MEGF6: variants seen among roughly 807,000 people sequenced by gnomAD.
MEGF6 encodes multiple EGF like domains 6.
MEGF6 carries 184 observed loss-of-function variants against 207.1 expected under a neutral mutation model. That is an observed-to-expected ratio of 0.89 (90% confidence interval 0.79 to 1.00). The LOEUF (loss-of-function observed/expected upper bound fraction) is 1.00. MEGF6 is among the 50% of genes least tolerant of loss of function. The probability of loss-of-function intolerance (pLI) is 0.00; values close to 1 mark genes in which losing one functional copy is unlikely to be tolerated. For missense variants in MEGF6, 2,282 were observed against 2,202.9 expected, an observed-to-expected ratio of 1.04 and a Z score of -0.72; for synonymous variants, 1,038 against 910.0, an observed-to-expected ratio of 1.14 and a Z score of -2.53.
chr1:3,574,857 G>A (rs1055756409), intron 4 of MEGF6, among the ~76,000 whole-genome samples: 10 of 152,148 alleles, frequency 6.6e-5, no homozygotes, highest in African/African-American at 2.4e-4. Flanking sequence ...TGCTCAGGCT[G>A]GTCTCGAACT....
Position 3,608,753 on chromosome 1 carries a change from C to G in MEGF6, c.131+2385G>C, listed in dbSNP as rs569978496. Among the ~76,000 whole-genome samples the G allele has an allele frequency of 4.6e-5, 7 of 152,294 alleles. No individual in the cohort carries two copies. In the East Asian group the frequency reaches 1.4e-3, roughly 29 times the overall value. On this transcript the variant is annotated intron_variant, in intron 1 of 36. Coordinates refer to ENST00000356575, the MANE Select transcript of MEGF6 (RefSeq NM_001409.4). ...ATGCCTTAGCAGGTGGGCAATCGGCCCCCGTCTCCCAGACCCCGTTCCCAG... is the reference window on the plus strand; with the variant it reads ...ATGCCTTAGCAGGTGGGCAATCGGCGCCCGTCTCCCAGACCCCGTTCCCAG...
chr1:3,503,297 C>G (rs1438150854), intron 17 of MEGF6, among the ~76,000 whole-genome samples: 1 of 152,184 alleles, frequency 6.6e-6, no homozygotes, highest in Admixed American at 6.5e-5. Context: ...GTCAGGGAAC[C>G]CCCCTCCACT....
intron 4 of MEGF6, among the ~76,000 whole-genome samples, chr1:3,578,812 C>CAGAACGT (rs1557790838): frequency 1.1e-4 from 17 of 150,570 alleles, no homozygotes; most frequent in African/African-American, 3.2e-4. Context: ...TGGTCCCCAG[C>CAGAACGT]GGAACGTGGA....
At chr1:3,524,915 C>T (rs1222092289) in intron 4 of MEGF6, among the ~76,000 whole-genome samples, 3 of 152,164 alleles carry the variant, frequency 2.0e-5, no homozygotes, top group African/African-American at 7.2e-5. Flanking sequence ...GACGAGGCTA[C>T]GGGCTAAGGA....
chr1:3,584,169 T>C (rs547626441), intron 3 of MEGF6, among the ~76,000 whole-genome samples: 7 of 152,362 alleles, frequency 4.6e-5, no homozygotes, highest in South Asian at 4.1e-4. Flanking sequence ...CATGGCGGCA[T>C]GTCCAGGCCA....
rs1236955841 is a variant in MEGF6 at position 3,494,481 on chromosome 1, T to C, written c.4019A>G (p.Tyr1340Cys). The change falls in exon 32 of 37, where the codon TAC becomes TGC. Residue 1340 changes from tyrosine (Y) to cysteine (C), a missense_variant. Tyr to Cys is a radical substitution (Grantham distance 194, BLOSUM62 -2). Transcript: ENST00000356575. Reference protein sequence around the residue: ...HCELACPPGRYGAACHLECSC... With the variant: ...HCELACPPGRCGAACHLECSC... ...GCACTCCAGATGGCAGGCGGCTCCGTAGCGCCCAGGGGGACAGGCTGGGGA... is the reference window on the plus strand; with the variant it reads ...GCACTCCAGATGGCAGGCGGCTCCGCAGCGCCCAGGGGGACAGGCTGGGGA... The C allele has an allele frequency of 1.9e-6, 3 of 1,587,804 alleles. No homozygotes were observed. The highest frequency in any genetic ancestry group is 1.1e-5 in the South Asian group (1 of 88,184).
At chr1:3,599,843 C>T (rs1644130978) in intron 2 of MEGF6, among the ~76,000 whole-genome samples, 1 of 152,216 alleles carries the variant, frequency 6.6e-6, no homozygotes, top group Non-Finnish European at 1.5e-5. Context: ...GTGGGCACCC[C>T]GTTTCTGTGC....
rs894559224 is a variant in MEGF6 at position 3,565,487 on chromosome 1, C to T, written c.481+14338G>A. ...CCCCTTGATTGCAGGAGGCCCCTTC[C>T]AAGAGGGGTCCAGGGAGCAGGACCA... On this transcript the variant is annotated intron_variant, in intron 4 of 36. Coordinates refer to ENST00000356575, the MANE Select transcript of MEGF6 (RefSeq NM_001409.4). This position sits in a 1 kb window ranked among gnomAD's most constrained non-coding sequence, Gnocchi z 4.8. Among the ~76,000 whole-genome samples the T allele has an allele frequency of 6.6e-6, 1 of 152,214 alleles. No homozygotes were observed. The highest frequency in any genetic ancestry group is 2.4e-5 in the African/African-American group (1 of 41,456).
At chr1:3,576,101 C>A (rs970061397) in intron 4 of MEGF6, among the ~76,000 whole-genome samples, 1 of 152,272 alleles carries the variant, frequency 6.6e-6, no homozygotes, top group Admixed American at 6.5e-5. Flanking sequence ...ACAAAATGAG[C>A]GGCTGGCCCT....
chr1:3,588,584 A>C lies in MEGF6; in HGVS notation c.376+6754T>G, dbSNP rs560925324. 5.9e-5 allele frequency among the ~76,000 whole-genome samples: 9 copies of C among 151,312 alleles called. No homozygotes were observed. The East Asian group carries it at 1.4e-3, about 23-fold the overall frequency. On this transcript the variant is annotated intron_variant, in intron 3 of 36. Coordinates refer to ENST00000356575, the MANE Select transcript of MEGF6 (RefSeq NM_001409.4). Reference sequence around the variant, plus strand: ...GGAGGGGACAGGACAGCCTGGAGAGAAGCTCTGGGTAGTCGCACTGAAGCG... The same window carrying C: ...GGAGGGGACAGGACAGCCTGGAGAGCAGCTCTGGGTAGTCGCACTGAAGCG...
chr1:3,522,838 C>G (rs944372553), intron 5 of MEGF6, among the ~76,000 whole-genome samples: 1 of 152,142 alleles, frequency 6.6e-6, no homozygotes, highest in Non-Finnish European at 1.5e-5. Flanking sequence ...GAGAAAAGGA[C>G]GTGCCCCCCA....
intron 2 of MEGF6, among the ~76,000 whole-genome samples, chr1:3,597,554 G>A (rs894629488): frequency 1.3e-5 from 2 of 152,224 alleles, no homozygotes; most frequent in Non-Finnish European, 2.9e-5. Flanking sequence ...TTAACATGAG[G>A]TCATTCACAG....
the MEGF6 span, among the ~76,000 whole-genome samples, chr1:3,621,338 C>T: frequency 1.3e-5 from 2 of 152,236 alleles, no homozygotes; most frequent in Admixed American, 6.5e-5. Context: ...CCAAGGAGCC[C>T]TCTGGTGGCC....
chr1:3,537,939 C>T (rs1411481012), intron 4 of MEGF6, among the ~76,000 whole-genome samples: 1 of 152,168 alleles, frequency 6.6e-6, no homozygotes, highest in African/African-American at 2.4e-5. Flanking sequence ...AGGAGCCACC[C>T]AGAGCAGCAA....
chr1:3,512,944 G>C (rs1641405469), intron 7 of MEGF6, among the ~76,000 whole-genome samples: 1 of 152,172 alleles, frequency 6.6e-6, no homozygotes, highest in Non-Finnish European at 1.5e-5. Flanking sequence ...GGAAGAGTCA[G>C]GAACACCCAG....
chr1:3,616,283 C>A (rs1222623721), upstream of MEGF6, among the ~76,000 whole-genome samples: 6 of 152,138 alleles, frequency 3.9e-5, no homozygotes, highest in Admixed American at 3.3e-4. Context: ...AGAAAATAAT[C>A]CAGCATCTTT....
Position 3,591,212 on chromosome 1 carries a change from C to T in MEGF6, c.376+4126G>A, listed in dbSNP as rs1037232206. ...GCACGGCAGAGCTGGAATGTGGCGT[C>T]GGAAACGCTCGGCTAACCCAGGGTG... On this transcript the variant is annotated intron_variant, in intron 3 of 36. Coordinates refer to ENST00000356575, the MANE Select transcript of MEGF6 (RefSeq NM_001409.4). 4.6e-5 allele frequency among the ~76,000 whole-genome samples: 7 copies of T among 152,212 alleles called. No homozygotes were observed. The South Asian group carries it at 1.0e-3, about 22-fold the overall frequency.
In MEGF6 at chr1:3,505,268, C is replaced by T. The variant is rs773837014; in HGVS notation, c.2128G>A (p.Val710Met). 38 of 1,612,438 alleles carry T rather than the reference C, an allele frequency of 2.4e-5. No homozygotes were observed. Among genetic ancestry groups the T allele is most frequent in the South Asian group, 8.8e-5 (8 of 91,088 alleles). Reference sequence around the variant, plus strand: ...CACCGCTTCCCACACTCGCCGCTCACGGAGTCACAGGCCACGCCCACTGGG... The same window carrying T: ...CACCGCTTCCCACACTCGCCGCTCATGGAGTCACAGGCCACGCCCACTGGG... ...TCPVGVACDS[V>M]SGECGKRCPA... The change falls in exon 17 of 37, where the codon GTG becomes ATG. Residue 710 changes from valine (V) to methionine (M), a missense_variant. Physicochemically the swap from Val to Met is conservative, Grantham distance 21 (BLOSUM62 1). Transcript: ENST00000356575.
intron 3 of MEGF6, among the ~76,000 whole-genome samples, chr1:3,580,658 A>C (rs917715771): frequency 6.6e-6 from 1 of 150,958 alleles, no homozygotes. Context: ...CCCAGGCTGG[A>C]CCGGGTGCCC....
Sources: gnomAD v4.1 joint callset for allele counts (sites outside exome capture counted in the v4.1 genomes callset) on GRCh38, gnomAD v4.1.1 for gene constraint, Gnocchi (gnomAD v3.1) non-coding constraint, MANE v1.5 for transcripts, NCBI Gene and HGNC (gene_info 2026-07-23, HGNC 2026-07-21) for gene names.